The following RBM4B variants were observed in gnomAD, a reference collection of about 807,000 sequenced individuals.
RBM4B encodes the protein RNA binding motif protein 4B, also known as RNA-binding protein 4B.
A neutral mutation model predicts 28.5 loss-of-function variants in RBM4B; 13 were observed. That is an observed-to-expected ratio of 0.46 (90% confidence interval 0.30 to 0.72). RBM4B has a LOEUF of 0.72. RBM4B is among the 30% of genes least tolerant of loss of function. The pLI is 0.09. For missense variants in RBM4B, 387 were observed against 477.6 expected, an observed-to-expected ratio of 0.81 and a Z score of 1.77; for synonymous variants, 167 against 179.1, an observed-to-expected ratio of 0.93 and a Z score of 0.54.
intron 1 of RBM4B, 192 bp downstream of exon 1, chr11:66,677,572 T>A (rs928597006): frequency 4.4e-5 from 7 of 158,612 alleles, no homozygotes; most frequent in Non-Finnish European, 9.8e-5. Flanking sequence ...TCCAGCTTCT[T>A]CGCCCCAACA....
At position 66,668,697 on chromosome 11, in the gene RBM4B, C is replaced by T. The variant is rs1213257294; in HGVS notation, c.1007G>A (p.Arg336Gln). Reference sequence around the variant, plus strand: ...CCGGGCCATGTCATACAGAGAATTCCGTGTAGCTGCGGAAGCCTGAGATAA... The same window carrying T: ...CCGGGCCATGTCATACAGAGAATTCTGTGTAGCTGCGGAAGCCTGAGATAA... Reference protein sequence around the residue: ...SELSQASAATRNSLYDMARYE... With the variant: ...SELSQASAATQNSLYDMARYE... The change falls in exon 3 of 4, where the codon CGG (arginine) becomes CAG (glutamine). Residue 336 changes from arginine (R) to glutamine (Q), a missense_variant. This residue lies in a region of RBM4B where 226 missense variants were observed against 220.6 expected (regional missense o/e 1.02). Coordinates refer to ENST00000310046, the MANE Select transcript of RBM4B (RefSeq NM_031492.4). 10 of 1,614,052 alleles carry T rather than the reference C, an allele frequency of 6.2e-6. No individual in the cohort carries two copies. The highest frequency in any genetic ancestry group is 2.7e-5 in the African/African-American group (2 of 74,914).
chr11:66,666,390 G>C, intron 3 of RBM4B: 1 of 993,288 alleles, frequency 1.0e-6, no homozygotes, highest in African/African-American at 1.7e-5. Context: ...CCCGAATTTG[G>C]ATCCCCAACA....
At chr11:66,665,638 G>C (rs4930386) in intron 3 of RBM4B, 60 bp from the exon 4 acceptor site, 1 of 1,534,966 alleles carries the variant, frequency 6.5e-7, no homozygotes, top group African/African-American at 1.4e-5. Flanking sequence ...CTGGCTCCGC[G>C]TACAAGCGCC....
At chr11:66,673,164 A>C (rs1391824264) in intron 2 of RBM4B, among the ~76,000 whole-genome samples, 1 of 152,008 alleles carries the variant, frequency 6.6e-6, no homozygotes, top group Admixed American at 6.6e-5. Context: ...TTCTGACTTA[A>C]TGCTTGTTTA....
At chr11:66,666,239 C>A (rs978903670) in intron 3 of RBM4B, 2 of 981,672 alleles carry the variant, frequency 2.0e-6, no homozygotes, top group Non-Finnish European at 2.6e-6. Flanking sequence ...ACTCCAGACA[C>A]CAATGGCTGG....
At chr11:66,677,117 AAGTC>A in intron 1 of RBM4B, 26 bp from the exon 2 acceptor site, 5 of 1,599,542 alleles carry the variant, frequency 3.1e-6, no homozygotes, top group Non-Finnish European at 4.3e-6. Context: ...AAGACTTCAA[AAGTC>A]AGGGGTGTGG....
intron 3 of RBM4B, chr11:66,665,917 C>T: frequency 6.5e-7 from 1 of 1,535,452 alleles, no homozygotes; most frequent in Non-Finnish European, 8.7e-7. Flanking sequence ...CATACATTTT[C>T]AAGAACTGCA....
At chr11:66,677,451 A>G in intron 1 of RBM4B, 1 of 296,952 alleles carries the variant, frequency 3.4e-6, no homozygotes, top group East Asian at 7.8e-5. Flanking sequence ...TTGGAGGGAA[A>G]TCTGTGTACC....
intron 2 of RBM4B, among the ~76,000 whole-genome samples, chr11:66,671,460 A>G (rs1223202098): frequency 2.0e-5 from 3 of 152,196 alleles, no homozygotes; most frequent in Non-Finnish European, 4.4e-5. Flanking sequence ...GTATACTCCA[A>G]TTGTGAAGTC....
At chr11:66,665,620 A>G in intron 3 of RBM4B, 42 bp from the exon 4 acceptor site, 2 of 1,535,814 alleles carry the variant, frequency 1.3e-6, no homozygotes, top group Non-Finnish European at 1.7e-6. Context: ...CAATGCCTGG[A>G]GAGCAGCCTG....
intron 1 of RBM4B, 62 bp downstream of exon 1, chr11:66,677,702 C>CTTTTTTAA: frequency 6.5e-6 from 1 of 153,448 alleles, no homozygotes; most frequent in South Asian, 2.0e-4. Context: ...TGCAGTCTGC[C>CTTTTTTAA]GGAGGCCCGG....
intron 3 of RBM4B, chr11:66,667,106 G>C (rs1226606870): frequency 6.6e-6 from 1 of 151,932 alleles, no homozygotes; most frequent in African/African-American, 2.4e-5. Context: ...GATAAGTTAG[G>C]AACACCAGAA....
At chr11:66,669,971 C>T (rs1939409998) in intron 2 of RBM4B, among the ~76,000 whole-genome samples, 1 of 152,224 alleles carries the variant, frequency 6.6e-6, no homozygotes, top group African/African-American at 2.4e-5. Flanking sequence ...AATCAACCAA[C>T]AAAACCTCAG....
At chr11:66,671,211 C>T (rs1012002281) in intron 2 of RBM4B, among the ~76,000 whole-genome samples, 8 of 152,158 alleles carry the variant, frequency 5.3e-5, no homozygotes, top group African/African-American at 1.9e-4. Context: ...TCAGCAGATA[C>T]CCAAAATGGC....
intron 3 of RBM4B, chr11:66,666,351 G>A (rs772519870): frequency 2.9e-5 from 29 of 1,012,224 alleles, no homozygotes; most frequent in Non-Finnish European, 3.4e-5. Context: ...AAGTTGTGAC[G>A]TTCTTGGATC....
chr11:66,667,241 T>C (rs1244748957), intron 3 of RBM4B: 1 of 152,224 alleles, frequency 6.6e-6, no homozygotes, highest in Non-Finnish European at 1.5e-5. Context: ...GATGAAAAGA[T>C]TTATCTATCT....
In RBM4B at chr11:66,676,923, G is replaced by A. The variant is rs1376675067; in HGVS notation, c.157C>T (p.Arg53Cys). The change falls in exon 2 of 4, where the codon CGC (arginine) becomes TGC (cysteine). Residue 53 changes from arginine (R) to cysteine (C), a missense_variant. By Grantham distance (180) the Arg-to-Cys change is radical. Around this residue, in one of 2 missense-constraint regions of RBM4B, gnomAD observed 161 missense variants for 256.9 expected, o/e 0.63. Coordinates refer to ENST00000310046, the MANE Select transcript of RBM4B (RefSeq NM_031492.4). ...EDKTAAEDAI[R>C]NLHHYKLHGV... ...TGAAGCTTGTAATGGTGCAGGTTGCGTATGGCATCCTCAGCTGCCGTCTTG... is the reference window on the plus strand; with the variant it reads ...TGAAGCTTGTAATGGTGCAGGTTGCATATGGCATCCTCAGCTGCCGTCTTG... The A allele has an allele frequency of 5.0e-6, 8 of 1,614,126 alleles. No homozygotes were observed. The highest frequency in any genetic ancestry group is 1.1e-5 in the South Asian group (1 of 91,084).
At chr11:66,666,078 A>C (rs1182947793) in intron 3 of RBM4B, 1 of 985,958 alleles carries the variant, frequency 1.0e-6, no homozygotes, top group Non-Finnish European at 1.5e-6. Context: ...AGGAGCAGCC[A>C]GTCATTCACC....
chr11:66,668,389 G>A lies in RBM4B; in HGVS notation c.*9+226C>T, dbSNP rs927300335. 19 of 490,046 alleles carry A rather than the reference G, an allele frequency of 3.9e-5. No individual in the cohort carries two copies. In the Middle Eastern group the frequency reaches 2.1e-3, roughly 54 times the overall value. 30.4% of individuals were successfully genotyped at this position (490,046 alleles called of 1,614,324 possible). ...ATGTTCTCACTAACAAACTGAATTT[G>A]TTGTTCTCTCAGAAGGAACAAGTTG... On this transcript the variant is annotated intron_variant, in intron 3 of 3. Transcript: ENST00000310046.
Sources: gnomAD v4.1 joint callset for allele counts (sites outside exome capture counted in the v4.1 genomes callset) on GRCh38, gnomAD v4.1.1 for gene constraint, gnomAD v4.1.1 regional missense constraint, MANE v1.5 for transcripts, NCBI Gene and HGNC (gene_info 2026-07-23, HGNC 2026-07-21) for gene names.